PRRT1B: variants seen among roughly 807,000 people sequenced by gnomAD.
The protein encoded by PRRT1B is dispanin subfamily D member 2.
At chr9:131,557,185 A>G (rs549616270) in intron 3 of PRRT1B, among the ~76,000 whole-genome samples, 2 of 152,118 alleles carry the variant, frequency 1.3e-5, no homozygotes, top group South Asian at 4.2e-4. Context: ...CCCTCTATCG[A>G]TTCATCTATT....
intron 1 of PRRT1B, among the ~76,000 whole-genome samples, chr9:131,549,386 G>A (rs887763269): frequency 6.6e-6 from 1 of 151,982 alleles, no homozygotes; most frequent in Non-Finnish European, 1.5e-5. Flanking sequence ...CCACTGGGCC[G>A]AGGAATGCCC....
chr9:131,553,627 G>A (rs1463733214), intron 1 of PRRT1B, among the ~76,000 whole-genome samples: 4 of 152,210 alleles, frequency 2.6e-5, no homozygotes, highest in Admixed American at 2.6e-4. Flanking sequence ...CCCCCACTGA[G>A]ATGTCTGTGT....
At chr9:131,550,380 G>C (rs1325585639) in intron 1 of PRRT1B, among the ~76,000 whole-genome samples, 5 of 152,058 alleles carry the variant, frequency 3.3e-5, no homozygotes, top group Non-Finnish European at 7.3e-5. Flanking sequence ...GCTTTCACTT[G>C]GACTGACCCT....
At chr9:131,545,756 G>A (rs1950969950) in intron 1 of PRRT1B, 116 bp downstream of exon 1, 2 of 401,114 alleles carry the variant, frequency 5.0e-6, no homozygotes, top group East Asian at 7.1e-5. Context: ...GTGCTGGCGG[G>A]GCAGGTGCTG....
rs1348499739 is a variant in PRRT1B, at chr9:131,551,028, T to C, written c.26-3529T>C. Among the ~76,000 whole-genome samples, 4 of 140,780 alleles carry C rather than the reference T, an allele frequency of 2.8e-5. No homozygotes were observed. The highest frequency in any genetic ancestry group is 1.0e-4 in the African/African-American group (4 of 38,426). 92.4% of individuals were successfully genotyped at this position (140,780 alleles called of 152,430 possible). On this transcript the variant is annotated intron_variant, in intron 1 of 3. Transcript: ENST00000636672. The surrounding 1 kb of genome is among the most constrained non-coding windows in gnomAD (Gnocchi z 4.4). ...CGCGATCTCGGCTCACTGCAAGCTC[T>C]GCCTCCCGGGTTCACGCCATTCTTC...
rs11243425 is a variant in PRRT1B, at chr9:131,551,085, G to T, written c.26-3472G>T. On this transcript the variant is annotated intron_variant, in intron 1 of 3. Coordinates refer to ENST00000636672, the Ensembl canonical transcript of PRRT1B. The surrounding 1 kb of genome is among the most constrained non-coding windows in gnomAD (Gnocchi z 4.4). ...AGCCTCCCGAGTAGCTGGGACTACAGGCACCCGCCACCATGCTCCGCTAAT... is the reference window on the plus strand; with the variant it reads ...AGCCTCCCGAGTAGCTGGGACTACATGCACCCGCCACCATGCTCCGCTAAT... Among the ~76,000 whole-genome samples, 8,957 of 151,070 alleles carry T rather than the reference G, an allele frequency of 0.059. 768 individuals carry two copies. The highest frequency in any genetic ancestry group is 0.19 in the African/African-American group (7,764 of 41,046).
intron 3 of PRRT1B, among the ~76,000 whole-genome samples, 165 bp from the exon 4 acceptor site, chr9:131,557,888 C>T (rs1951060587): frequency 1.3e-5 from 2 of 152,272 alleles, no homozygotes; most frequent in African/African-American, 4.8e-5. Context: ...CCGCCACTGC[C>T]ATCACGCCTG....
At chr9:131,555,407 G>A (rs1951042689) in intron 2 of PRRT1B, among the ~76,000 whole-genome samples, 1 of 152,168 alleles carries the variant, frequency 6.6e-6, no homozygotes, top group Admixed American at 6.5e-5. Flanking sequence ...CGGGCACGGT[G>A]CCTCATACCT....
chr9:131,554,820 C>A (rs569118911), exon 2 of PRRT1B: 364 of 363,418 alleles, frequency 1.0e-3, no homozygotes, highest in African/African-American at 6.8e-3. Flanking sequence ...CGGCGCCCCC[C>A]ACATCGGCTT....
chr9:131,547,946 G>A (rs952544449), intron 1 of PRRT1B, among the ~76,000 whole-genome samples: 2 of 152,118 alleles, frequency 1.3e-5, no homozygotes, highest in African/African-American at 4.8e-5. Flanking sequence ...TCTGGCACCG[G>A]TCACGGACTT....
At chr9:131,549,378 A>G (rs12340921) in intron 1 of PRRT1B, among the ~76,000 whole-genome samples, 1 of 152,102 alleles carries the variant, frequency 6.6e-6, no homozygotes, top group South Asian at 2.1e-4. Flanking sequence ...AAATCTGGCC[A>G]CTGGGCCGAG....
intron 3 of PRRT1B, among the ~76,000 whole-genome samples, chr9:131,556,886 G>A (rs1466375430): frequency 6.6e-6 from 1 of 151,738 alleles, no homozygotes; most frequent in Non-Finnish European, 1.5e-5. Flanking sequence ...ACTTGCCTCA[G>A]CCTCCCAAAG....
At chr9:131,557,633 C>T (rs1398424674) in intron 3 of PRRT1B, among the ~76,000 whole-genome samples, 3 of 152,210 alleles carry the variant, frequency 2.0e-5, no homozygotes, top group Admixed American at 6.5e-5. Flanking sequence ...GTTCAAGCCC[C>T]CAGCCATAAG....
downstream of PRRT1B, among the ~76,000 whole-genome samples, chr9:131,559,110 T>C (rs367675873): frequency 1.6e-3 from 246 of 152,326 alleles, 2 homozygotes; most frequent in Middle Eastern, 0.017. Context: ...TCCCACTAGC[T>C]GTGGTCCCAA....
chr9:131,550,266 C>T (rs552877410), intron 1 of PRRT1B, among the ~76,000 whole-genome samples: 24 of 152,254 alleles, frequency 1.6e-4, no homozygotes, highest in African/African-American at 5.8e-4. Context: ...AACCCATATA[C>T]TCTCCTATCC....
downstream of PRRT1B, among the ~76,000 whole-genome samples, chr9:131,559,811 A>T (rs1951073316): frequency 6.6e-6 from 1 of 152,238 alleles, no homozygotes; most frequent in South Asian, 2.1e-4. Context: ...GGATCATGAC[A>T]TGGATGCCCC....
At chr9:131,546,935 G>C (rs1950979417) in intron 1 of PRRT1B, among the ~76,000 whole-genome samples, 1 of 152,112 alleles carries the variant, frequency 6.6e-6, no homozygotes, top group South Asian at 2.1e-4. Flanking sequence ...GACTCGCTGA[G>C]ACCCACGTTT....
At chr9:131,554,021 C>A (rs1405782626) in intron 1 of PRRT1B, among the ~76,000 whole-genome samples, 1 of 152,180 alleles carries the variant, frequency 6.6e-6, no homozygotes, top group Non-Finnish European at 1.5e-5. Context: ...GGTGTCCATT[C>A]TCAGTGTGCA....
intron 1 of PRRT1B, among the ~76,000 whole-genome samples, chr9:131,546,119 G>A (rs1407250846): frequency 6.6e-6 from 1 of 152,080 alleles, no homozygotes; most frequent in East Asian, 1.9e-4. Flanking sequence ...GCCCACTCCC[G>A]CCCCGTGTCC....
Sources: gnomAD v4.1 joint callset for allele counts (sites outside exome capture counted in the v4.1 genomes callset) on GRCh38, gnomAD v4.1.1 for gene constraint, Gnocchi (gnomAD v3.1) non-coding constraint, MANE v1.5 for transcripts, NCBI Gene and HGNC (gene_info 2026-07-23, HGNC 2026-07-21) for gene names.